The following SEL1L2 variants were observed in gnomAD, a reference collection of about 807,000 sequenced individuals.
The protein encoded by SEL1L2 is protein sel-1 homolog 2.
Under a neutral mutation model 98.8 loss-of-function variants are expected in SEL1L2, and 89 were observed. That is an observed-to-expected ratio of 0.90 (90% CI 0.76 to 1.07). The LOEUF (loss-of-function observed/expected upper bound fraction) is 1.07, where lower values mean the gene tolerates loss of function less well. Ranked by LOEUF, SEL1L2 falls within the 50% of genes least tolerant of loss-of-function variation. The pLI, the probability that SEL1L2 is intolerant of heterozygous loss-of-function variation, is 0.00. For missense variants in SEL1L2, 788 were observed against 812.0 expected (o/e 0.97, Z 0.36); for synonymous variants, 262 against 278.5 (o/e 0.94, Z 0.59).
intron 3 of SEL1L2, among the ~76,000 whole-genome samples, chr20:13,927,270 T>C (rs1360558241): frequency 6.6e-6 from 1 of 152,250 alleles, no homozygotes; most frequent in Non-Finnish European, 1.5e-5. Flanking sequence ...GAGTTAGATC[T>C]AGTTTACATC....
At chr20:13,947,551 A>C (rs1447791678) in intron 2 of SEL1L2, among the ~76,000 whole-genome samples, 1 of 152,028 alleles carries the variant, frequency 6.6e-6, no homozygotes, top group Non-Finnish European at 1.5e-5. Context: ...GATGCAGGAC[A>C]AGAACTTGGG....
chr20:13,876,722 G>T (rs1306515429), intron 11 of SEL1L2, among the ~76,000 whole-genome samples: 1 of 152,196 alleles, frequency 6.6e-6, no homozygotes, highest in African/African-American at 2.4e-5. Context: ...GGTCTCCAGT[G>T]CTCAACCAAC....
intron 2 of SEL1L2, among the ~76,000 whole-genome samples, chr20:13,946,232 G>T (rs1279823773): frequency 1.3e-5 from 2 of 152,036 alleles, no homozygotes; most frequent in African/African-American, 4.8e-5. Context: ...AATCTCATAT[G>T]TAGAAATCCC....
At chr20:13,970,561 A>C (rs1190367963) in intron 1 of SEL1L2, among the ~76,000 whole-genome samples, 2 of 152,184 alleles carry the variant, frequency 1.3e-5, no homozygotes, top group Non-Finnish European at 2.9e-5. Flanking sequence ...GGCCGGATGC[A>C]GTGGCTCACG....
At chr20:13,901,957 CT>C (rs761244907) in intron 5 of SEL1L2, among the ~76,000 whole-genome samples, 47 of 152,222 alleles carry the variant, frequency 3.1e-4, no homozygotes, top group Non-Finnish European at 5.7e-4. Context: ...GCCACTGCCC[CT>C]GGCCTTCATA....
intron 17 of SEL1L2, 34 bp downstream of exon 17, chr20:13,865,133 C>G: frequency 6.5e-7 from 1 of 1,535,308 alleles, no homozygotes; most frequent in Non-Finnish European, 9.0e-7. Flanking sequence ...GGACAGGGAC[C>G]GGGTATGTGC....
intron 3 of SEL1L2, among the ~76,000 whole-genome samples, chr20:13,920,586 T>TACAC (rs3042762): frequency 1.3e-5 from 2 of 150,550 alleles, no homozygotes; most frequent in African/African-American, 2.4e-5. Context: ...CACTCTCACA[T>TACAC]ACACACACAC....
At chr20:13,990,915 T>C (rs767061801), upstream of SEL1L2, among the ~76,000 whole-genome samples, 1 of 152,210 alleles carries the variant, frequency 6.6e-6, no homozygotes, top group Non-Finnish European at 1.5e-5. Flanking sequence ...ACTACACTTA[T>C]GTAAAAACAC....
chr20:13,969,892 C>T (rs1056690082), intron 1 of SEL1L2, among the ~76,000 whole-genome samples: 3 of 152,170 alleles, frequency 2.0e-5, no homozygotes, highest in Non-Finnish European at 4.4e-5. Context: ...ATACTACTGC[C>T]TTCAATGACC....
At chr20:13,858,469 C>A (rs1313432991) in intron 18 of SEL1L2, among the ~76,000 whole-genome samples, 1 of 152,160 alleles carries the variant, frequency 6.6e-6, no homozygotes, top group Non-Finnish European at 1.5e-5. Context: ...AACCTCTCTG[C>A]GCTGTGGCTT....
chr20:13,902,892 C>T (rs758870434), intron 5 of SEL1L2, among the ~76,000 whole-genome samples: 4 of 151,988 alleles, frequency 2.6e-5, no homozygotes, highest in Non-Finnish European at 4.4e-5. Flanking sequence ...CCAAGGCGGG[C>T]GGATCATGAG....
At chr20:13,982,508 CAAAAAAAAAAA>C (rs10713892) in intron 1 of SEL1L2, among the ~76,000 whole-genome samples, 1 of 67,688 alleles carries the variant, frequency 1.5e-5, no homozygotes, top group African/African-American at 6.0e-5. Flanking sequence ...GAGACTCTGC[CAAAAAAAAAAA>C]AAAAAAAAAG....
At position 13,865,469 on chromosome 20, in the gene SEL1L2, G is replaced by T. The variant is rs781497921; in HGVS notation, c.1450C>A (p.Leu484Met). The change falls in exon 16 of 20, where the codon CTG becomes ATG. Residue 484 changes from leucine to methionine, a missense_variant. Coordinates refer to ENST00000284951, the MANE Select transcript of SEL1L2 (RefSeq NM_025229.2). ...CELGHWAEKFLTAYFAYKDGD... is the reference protein window; with the variant it reads ...CELGHWAEKFMTAYFAYKDGD... The stretch of plus-strand genomic sequence containing the variant: ...TCCTTATAGGCAAAGTAAGCTGTCA[G>T]GAATTTCTCAGCCCAGTGGCCTAGT... The T allele has an allele frequency of 2.4e-5, 38 of 1,614,074 alleles. No homozygotes were observed. Among genetic ancestry groups the T allele is most frequent in the Non-Finnish European group, 3.1e-5 (37 of 1,179,974 alleles).
intron 2 of SEL1L2, among the ~76,000 whole-genome samples, chr20:13,943,397 G>A (rs1414265791): frequency 6.6e-6 from 1 of 151,698 alleles, no homozygotes; most frequent in Non-Finnish European, 1.5e-5. Flanking sequence ...TTACATGCAA[G>A]GAGCAGAAAA....
intron 5 of SEL1L2, among the ~76,000 whole-genome samples, chr20:13,910,919 AC>A (rs1249392995): frequency 6.6e-6 from 1 of 152,256 alleles, no homozygotes; most frequent in Non-Finnish European, 1.5e-5. Context: ...TGAAACTCCA[AC>A]TTCAGCTCTA....
Position 13,951,296 on chromosome 20 carries a change from A to AAAAAG in SEL1L2, c.114+4779_114+4780insCTTTT, listed in dbSNP as rs1555894194. 8.0e-4 allele frequency among the ~76,000 whole-genome samples: 10 copies of AAAAAG among 12,514 alleles called. No individual in the cohort carries two copies. The South Asian group carries it at 0.021, about 26-fold the overall frequency. The allele number at this position is 12,514 out of a possible 152,430, so 8.2% of individuals were successfully genotyped here. On this transcript the variant is annotated intron_variant, in intron 2 of 19. Coordinates refer to ENST00000284951, the MANE Select transcript of SEL1L2 (RefSeq NM_025229.2). The stretch of plus-strand genomic sequence containing the variant: ...CGTCTCAAAAAAAAAAAAAAAAAAA[A>AAAAAG]AAAGAAAGAAAGAAAGAAAATACTG...
chr20:13,936,045 T>C (rs908880789), intron 2 of SEL1L2, among the ~76,000 whole-genome samples: 1 of 152,226 alleles, frequency 6.6e-6, no homozygotes, highest in Admixed American at 6.5e-5. Flanking sequence ...GGCCCATCTA[T>C]AGACTAGCTA....
rs199731856 is a variant in SEL1L2, at chr20:13,965,956, CA to C, written c.59-9826del. ...GGGTGACAAGAGCAAGATTCTGTCT[CA>C]AAAAAAAAAAAAAAAAATCACTGAT... On this transcript the variant is annotated intron_variant, in intron 1 of 19. Coordinates refer to ENST00000284951, the MANE Select transcript of SEL1L2 (RefSeq NM_025229.2). 9.2e-3 allele frequency among the ~76,000 whole-genome samples: 1,015 copies of C among 110,206 alleles called. 8 individuals carry two copies. Among genetic ancestry groups the C allele is most frequent in the African/African-American group, 0.022 (663 of 30,802 alleles). 72.3% of individuals were successfully genotyped at this position (110,206 alleles called of 152,430 possible).
chr20:13,887,185 T>C (rs1428747440), intron 8 of SEL1L2, among the ~76,000 whole-genome samples: 1 of 152,208 alleles, frequency 6.6e-6, no homozygotes, highest in Admixed American at 6.5e-5. Flanking sequence ...TTGAAATATA[T>C]ATAGTAATTC....
Sources: allele counts gnomAD v4.1 joint callset (sites outside exome capture counted in the v4.1 genomes callset), GRCh38; gene constraint gnomAD v4.1.1; transcripts MANE v1.5; gene names NCBI Gene and HGNC (gene_info 2026-07-23, HGNC 2026-07-21).